The following AMOTL1 variants were observed in gnomAD, a reference collection of about 807,000 sequenced individuals.
AMOTL1 encodes the protein angiomotin like 1.
Under a neutral mutation model 102.9 loss-of-function variants are expected in AMOTL1, and 45 were observed. The observed-to-expected ratio is 0.44, with a 90% confidence interval of 0.34 to 0.56. AMOTL1 has a LOEUF of 0.56. Ranked by LOEUF, AMOTL1 falls within the 20% of genes least tolerant of loss-of-function variation. The probability of loss-of-function intolerance (pLI) is 0.01; values close to 1 mark genes in which losing one functional copy is unlikely to be tolerated. For synonymous variants in AMOTL1, 481 were observed against 484.7 expected (o/e 0.99, Z 0.10); for missense variants, 1,114 against 1,225.6 (o/e 0.91, Z 1.36).
Position 94,821,414 on chromosome 11 carries a change from A to T in AMOTL1, c.1122-116A>T. ...GCACAGTGAATACCTCCCACTGGGA[A>T]GTGCACTGATGGCCTCTGACCATGG... On this transcript the variant is annotated intron_variant, in intron 3 of 12. Coordinates refer to ENST00000433060, the MANE Select transcript of AMOTL1 (RefSeq NM_130847.3). 4 of 1,070,386 alleles carry T rather than the reference A, an allele frequency of 3.7e-6. No individual in the cohort carries two copies. The South Asian group carries it at 6.4e-5, about 17-fold the overall frequency. 66.3% of individuals were successfully genotyped at this position (1,070,386 alleles called of 1,614,324 possible). A position where few individuals can be genotyped will look rare whatever the true frequency, so the allele number is the denominator to read the frequency against.
intron 9 of AMOTL1, among the ~76,000 whole-genome samples, chr11:94,860,303 A>C (rs1565385389): frequency 6.6e-6 from 1 of 152,200 alleles, no homozygotes; most frequent in Non-Finnish European, 1.5e-5. Flanking sequence ...GTAGTGAGTG[A>C]TGGGGCTGTG....
At chr11:94,842,334 A>G (rs556566451) in intron 6 of AMOTL1, among the ~76,000 whole-genome samples, 162 of 152,276 alleles carry the variant, frequency 1.1e-3, no homozygotes, top group African/African-American at 3.8e-3. Context: ...ACAGACACAC[A>G]TCAGCCACTG....
chr11:94,854,585 A>G (rs1030512542), intron 8 of AMOTL1, among the ~76,000 whole-genome samples: 2 of 152,164 alleles, frequency 1.3e-5, no homozygotes, highest in African/African-American at 4.8e-5. Context: ...CTTATAGTCA[A>G]CAGAGTACCA....
chr11:94,873,788 C>T lies in AMOTL1; in HGVS notation c.*2993C>T, dbSNP rs928781016. The stretch of plus-strand genomic sequence containing the variant: ...GTGCACGTGTAACTACACACACACA[C>T]ACACACACACACACACACACACACA... On this transcript the variant is annotated 3_prime_UTR_variant, in exon 13 of 13. Transcript: ENST00000433060. 8.0e-5 allele frequency: 12 copies of T among 150,762 alleles called. No individual in the cohort carries two copies. The highest frequency in any genetic ancestry group is 3.0e-4 in the African/African-American group (12 of 39,678). The allele number at this position is 150,762 out of a possible 1,614,324, so 9.3% of individuals were successfully genotyped here. A position where few individuals can be genotyped will look rare whatever the true frequency, so the allele number is the denominator to read the frequency against.
At chr11:94,709,062 G>T (rs1424447416) in intron 1 of AMOTL1, among the ~76,000 whole-genome samples, 1 of 152,160 alleles carries the variant, frequency 6.6e-6, no homozygotes, top group East Asian at 1.9e-4. Flanking sequence ...TGTTTAAAAT[G>T]ACTACACACT....
chr11:94,820,061 T>G (rs1380902582), intron 3 of AMOTL1, among the ~76,000 whole-genome samples: 2 of 152,170 alleles, frequency 1.3e-5, no homozygotes, highest in African/African-American at 2.4e-5. Flanking sequence ...GCTCTAGACC[T>G]CCCTTACCTC....
At chr11:94,718,445 T>C (rs1458516586) in intron 1 of AMOTL1, among the ~76,000 whole-genome samples, 1 of 152,004 alleles carries the variant, frequency 6.6e-6, no homozygotes, top group Non-Finnish European at 1.5e-5. Context: ...AGAAGTGAAA[T>C]TGCTAAATCA....
At chr11:94,852,037 C>T (rs373016206) in intron 7 of AMOTL1, among the ~76,000 whole-genome samples, 1 of 152,206 alleles carries the variant, frequency 6.6e-6, no homozygotes, top group African/African-American at 2.4e-5. Context: ...TCTCTTGGTG[C>T]TTATATTCTA....
At chr11:94,733,110 GCAAA>G (rs1950380366) in intron 2 of AMOTL1, among the ~76,000 whole-genome samples, 1 of 152,196 alleles carries the variant, frequency 6.6e-6, no homozygotes, top group Non-Finnish European at 1.5e-5. Context: ...TCTTGCAAAG[GCAAA>G]CTAACTAAGC....
chr11:94,782,322 T>C (rs1951125842), intron 1 of AMOTL1, among the ~76,000 whole-genome samples: 1 of 152,206 alleles, frequency 6.6e-6, no homozygotes, highest in Non-Finnish European at 1.5e-5. Flanking sequence ...AATTTTGGAA[T>C]TTTTGGAAAC....
In AMOTL1 at chr11:94,768,450, T is replaced by A; in HGVS notation, c.-62T>A. ...ATGGGGTTGATTGTCCGGCGCCACTTCCCCGCGCTGCCCGGCAGCCGTCTT... is the reference window on the plus strand; with the variant it reads ...ATGGGGTTGATTGTCCGGCGCCACTACCCCGCGCTGCCCGGCAGCCGTCTT... On this transcript the variant is annotated 5_prime_UTR_variant, in exon 1 of 13. Transcript: ENST00000433060. 6.4e-7 allele frequency: 1 copy of A among 1,551,792 alleles called. No individual in the cohort carries two copies. The highest frequency in any genetic ancestry group is 1.2e-5 in the South Asian group (1 of 83,838).
chr11:94,759,983 T>C lies in AMOTL1; in HGVS notation c.136+18995T>C, dbSNP rs139115874. Among the ~76,000 whole-genome samples the C allele has an allele frequency of 2.2e-3, 339 of 152,370 alleles. 3 individuals carry two copies. The highest frequency in any genetic ancestry group is 7.9e-3 in the African/African-American group (330 of 41,592). Reference sequence around the variant, plus strand: ...GATAATTTGTTGCCAATGCAAATTCTTGGGCCCCATCCAGGCCTACCAAAT... The same window carrying C: ...GATAATTTGTTGCCAATGCAAATTCCTGGGCCCCATCCAGGCCTACCAAAT... On this transcript the variant is annotated intron_variant, in intron 3 of 4. Coordinates refer to the AMOTL1 transcript ENST00000299004.
intron 3 of AMOTL1, among the ~76,000 whole-genome samples, chr11:94,763,328 T>TA (rs1397959607): frequency 1.6e-4 from 25 of 152,210 alleles, no homozygotes; most frequent in Non-Finnish European, 3.2e-4. Flanking sequence ...ACACTGCCAG[T>TA]ATTCCCTGAA....
At chr11:94,845,958 T>C (rs1342499907) in intron 6 of AMOTL1, among the ~76,000 whole-genome samples, 1 of 152,218 alleles carries the variant, frequency 6.6e-6, no homozygotes, top group Non-Finnish European at 1.5e-5. Context: ...TCACGAGACT[T>C]GTCTTTCTTG....
chr11:94,708,622 C>T (rs1949970165), intron 1 of AMOTL1, among the ~76,000 whole-genome samples: 1 of 152,144 alleles, frequency 6.6e-6, no homozygotes, highest in South Asian at 2.1e-4. Flanking sequence ...CTTTCCTTCA[C>T]TTTTAAGGGT....
rs534169806 is a variant in AMOTL1 at position 94,769,337 on chromosome 11, A to G, written c.49+777A>G. Among the ~76,000 whole-genome samples the G allele has an allele frequency of 4.1e-3, 629 of 152,296 alleles. 13 individuals carry two copies. Among genetic ancestry groups the G allele is most frequent in the South Asian group, 0.034 (166 of 4,828 alleles). ...TGACAGCCGAGCGGAACGGTGGCCT[A>G]GTGCCGGGACAGGGACCGAGCGTGC... On this transcript the variant is annotated intron_variant, in intron 1 of 12. Transcript: ENST00000433060.
chr11:94,806,183 C>T (rs1951565073), intron 3 of AMOTL1, among the ~76,000 whole-genome samples: 1 of 152,220 alleles, frequency 6.6e-6, no homozygotes, highest in Non-Finnish European at 1.5e-5. Flanking sequence ...AAGATAACGC[C>T]TGTCCTCAGG....
chr11:94,711,385 A>G (rs1207338477), intron 1 of AMOTL1, among the ~76,000 whole-genome samples: 1 of 152,160 alleles, frequency 6.6e-6, no homozygotes, highest in Non-Finnish European at 1.5e-5. Flanking sequence ...ACATACCTAT[A>G]GTACAATATC....
intron 2 of AMOTL1, chr11:94,740,389 G>GT (rs1950501272): frequency 6.6e-6 from 1 of 152,214 alleles, no homozygotes. Context: ...GACTAGGGAG[G>GT]ATTCCGCCAG....
Sources: gnomAD v4.1 joint callset for allele counts (sites outside exome capture counted in the v4.1 genomes callset) on GRCh38, gnomAD v4.1.1 for gene constraint, MANE v1.5 for transcripts, NCBI Gene and HGNC (gene_info 2026-07-23, HGNC 2026-07-21) for gene names.